Variants in MEMO1 observed in about 807,000 individuals in gnomAD.
The protein encoded by MEMO1 is protein MEMO1.
Under a neutral mutation model 45.2 loss-of-function variants are expected in MEMO1, and 6 were observed. The ratio of observed to expected loss-of-function variants is 0.13; its 90% confidence interval spans 0.07 to 0.26. The LOEUF (loss-of-function observed/expected upper bound fraction) is 0.26. Among genes scored for constraint, MEMO1 ranks in the 10% least tolerant of loss-of-function variants. MEMO1 has a pLI of 1.00. For synonymous variants in MEMO1, 78 were observed against 124.3 expected, an observed-to-expected ratio of 0.63 and a Z score of 2.48; for missense variants, 184 against 370.5, an observed-to-expected ratio of 0.50 and a Z score of 4.13.
intron 2 of MEMO1, among the ~76,000 whole-genome samples, chr2:31,961,618 C>CA (rs34896289): frequency 3.1e-4 from 45 of 145,972 alleles, no homozygotes; most frequent in East Asian, 1.2e-3. Flanking sequence ...TAAAAAAAAA[C>CA]AAAAAAAAAA....
intron 2 of MEMO1, among the ~76,000 whole-genome samples, chr2:31,986,461 G>T (rs1420774734): frequency 6.6e-6 from 1 of 151,998 alleles, no homozygotes; most frequent in Non-Finnish European, 1.5e-5. Context: ...GAAAGTGTGA[G>T]ACACTGTCTC....
intron 2 of MEMO1, among the ~76,000 whole-genome samples, chr2:32,009,152 C>A (rs1674476347): frequency 6.6e-6 from 1 of 152,142 alleles, no homozygotes; most frequent in Admixed American, 6.5e-5. Context: ...TACACTTTCA[C>A]ATAAAGAAGT....
At chr2:31,936,354 CATAT>C (rs1664920093) in intron 3 of MEMO1, among the ~76,000 whole-genome samples, 1 of 152,180 alleles carries the variant, frequency 6.6e-6, no homozygotes, top group Admixed American at 6.5e-5. Flanking sequence ...CCCAACCTAA[CATAT>C]CATGAAGGCA....
At chr2:31,948,830 T>C (rs1166968447) in intron 2 of MEMO1, among the ~76,000 whole-genome samples, 4 of 152,150 alleles carry the variant, frequency 2.6e-5, no homozygotes, top group Non-Finnish European at 4.4e-5. Context: ...TCTAAATCCT[T>C]TAAACTGAAT....
intron 6 of MEMO1, among the ~76,000 whole-genome samples, chr2:31,906,074 A>G (rs1242125119): frequency 6.7e-5 from 10 of 150,364 alleles, no homozygotes; most frequent in Non-Finnish European, 1.2e-4. Flanking sequence ...CTGGGTTCAC[A>G]CAATTCTCCT....
At chr2:32,004,594 A>G (rs927828105) in intron 2 of MEMO1, among the ~76,000 whole-genome samples, 1 of 152,140 alleles carries the variant, frequency 6.6e-6, no homozygotes, top group Non-Finnish European at 1.5e-5. Context: ...AATTTGTAAA[A>G]CCAATTTGCA....
chr2:31,936,861 T>C (rs1321440907), intron 3 of MEMO1, among the ~76,000 whole-genome samples: 1 of 152,204 alleles, frequency 6.6e-6, no homozygotes, highest in Non-Finnish European at 1.5e-5. Context: ...TAGTCCTAGT[T>C]CTACTTAATA....
chr2:31,930,740 G>C (rs1422090987), intron 4 of MEMO1, among the ~76,000 whole-genome samples: 1 of 151,698 alleles, frequency 6.6e-6, no homozygotes, highest in Non-Finnish European at 1.5e-5. Context: ...CCACCTCCCG[G>C]ATTCAAGTGA....
rs148178408 is a variant in MEMO1, at chr2:31,961,128, C to A, written c.62-17745G>T. Among the ~76,000 whole-genome samples, 289 of 152,006 alleles carry A rather than the reference C, an allele frequency of 1.9e-3. 3 individuals are homozygous for A. The highest frequency in any genetic ancestry group is 2.4e-3 in the Non-Finnish European group (160 of 67,936). On this transcript the variant is annotated intron_variant, in intron 2 of 9. Coordinates refer to ENST00000404530, the MANE Select transcript of MEMO1 (RefSeq NM_001301833.4). ...ATCCCAGCACTTTGGGAGGCCAAGG[C>A]GGACAGATCACTCGAGGTCAGGAGT...
chr2:31,899,193 T>G (rs550626477), intron 6 of MEMO1, among the ~76,000 whole-genome samples: 1 of 152,264 alleles, frequency 6.6e-6, no homozygotes, highest in East Asian at 1.9e-4. Context: ...ACTTTAAATT[T>G]CATATGGAAC....
At chr2:31,910,644 G>A (rs1680425150) in intron 6 of MEMO1, among the ~76,000 whole-genome samples, 1 of 152,130 alleles carries the variant, frequency 6.6e-6, no homozygotes, top group Non-Finnish European at 1.5e-5. Flanking sequence ...AGGATCACTT[G>A]AGCCCATGAG....
At chr2:31,947,822 C>T (rs1666364076) in intron 2 of MEMO1, among the ~76,000 whole-genome samples, 2 of 152,180 alleles carry the variant, frequency 1.3e-5, no homozygotes, top group South Asian at 4.1e-4. Context: ...TACGCACACA[C>T]ACACACACCT....
At chr2:31,933,348 A>AAAAATATAT (rs1558514269) in intron 3 of MEMO1, among the ~76,000 whole-genome samples, 1 of 16,186 alleles carries the variant, frequency 6.2e-5, no homozygotes. Flanking sequence ...AAAAAAAAAA[A>AAAAATATAT]ATTTATATAT....
chr2:31,874,166 G>A (rs1362447960), intron 8 of MEMO1, among the ~76,000 whole-genome samples: 1 of 151,940 alleles, frequency 6.6e-6, no homozygotes, highest in Non-Finnish European at 1.5e-5. Flanking sequence ...ATGAAACACT[G>A]GTCTACACCA....
chr2:31,890,006 A>C (rs1455730058), intron 7 of MEMO1, among the ~76,000 whole-genome samples: 4 of 152,150 alleles, frequency 2.6e-5, no homozygotes, highest in African/African-American at 7.2e-5. Flanking sequence ...GAGACAAAAC[A>C]ACCTCAATAA....
At chr2:31,883,609 A>C in intron 7 of MEMO1, 147 bp from the exon 8 acceptor site, 2 of 569,152 alleles carry the variant, frequency 3.5e-6, no homozygotes, top group East Asian at 6.1e-5. Flanking sequence ...GCCCTTGTAC[A>C]TAAAAATAAA....
intron 4 of MEMO1, among the ~76,000 whole-genome samples, chr2:31,926,241 A>C (rs533153448): frequency 1.4e-3 from 208 of 152,210 alleles, no homozygotes; most frequent in African/African-American, 4.9e-3. Context: ...GCATGCTGGC[A>C]CAGGCTGGCA....
chr2:31,921,428 G>T (rs1018008663), intron 4 of MEMO1, among the ~76,000 whole-genome samples: 8 of 152,042 alleles, frequency 5.3e-5, no homozygotes, highest in African/African-American at 1.9e-4. Flanking sequence ...TGTCTTTGTT[G>T]GATGGCCTTT....
intron 2 of MEMO1, among the ~76,000 whole-genome samples, chr2:31,971,590 G>A (rs527308030): frequency 6.6e-6 from 1 of 152,106 alleles, no homozygotes; most frequent in East Asian, 1.9e-4. Context: ...TGCCCAGGCT[G>A]AACTAGAACT....
Sources: gnomAD v4.1 joint callset for allele counts (sites outside exome capture counted in the v4.1 genomes callset) on GRCh38, gnomAD v4.1.1 for gene constraint, MANE v1.5 for transcripts, NCBI Gene and HGNC (gene_info 2026-07-23, HGNC 2026-07-21) for gene names.